The following SLC2A13 variants were observed in gnomAD, a reference collection of about 807,000 sequenced individuals.
SLC2A13 encodes the protein solute carrier family 2 member 13, also known as proton myo-inositol cotransporter.
Under a neutral mutation model 64.4 loss-of-function variants are expected in SLC2A13, and 32 were observed. The ratio of observed to expected loss-of-function variants is 0.50; its 90% CI spans 0.37 to 0.67. SLC2A13 has a LOEUF of 0.67. Ranked by LOEUF, SLC2A13 falls within the 30% of genes least tolerant of loss-of-function variation. The pLI is 0.00. For missense variants in SLC2A13, 743 were observed against 829.2 expected, an observed-to-expected ratio of 0.90 and a Z score of 1.28; for synonymous variants, 338 against 327.1, an observed-to-expected ratio of 1.03 and a Z score of -0.36.
intron 7 of SLC2A13, among the ~76,000 whole-genome samples, chr12:39,823,364 C>T (rs1056560597): frequency 9.9e-5 from 15 of 152,034 alleles, no homozygotes; most frequent in African/African-American, 3.4e-4. Context: ...ACATGAGTAC[C>T]TTAAGATACT....
chr12:39,841,435 C>A (rs1342150164), intron 6 of SLC2A13, among the ~76,000 whole-genome samples: 2 of 152,058 alleles, frequency 1.3e-5, no homozygotes, highest in East Asian at 3.9e-4. Flanking sequence ...TTTGCCAAAT[C>A]TGTCAACTCC....
At chr12:39,781,062 T>C (rs1057412121) in intron 7 of SLC2A13, among the ~76,000 whole-genome samples, 1 of 152,212 alleles carries the variant, frequency 6.6e-6, no homozygotes, top group Admixed American at 6.5e-5. Context: ...ACATAATAGC[T>C]TCACAGATTA....
chr12:39,811,152 T>C (rs1244631678), intron 7 of SLC2A13, among the ~76,000 whole-genome samples: 1 of 152,112 alleles, frequency 6.6e-6, no homozygotes, highest in Admixed American at 6.6e-5. Context: ...CTCCATTTAT[T>C]AGAAGTGCTC....
Position 39,756,088 on chromosome 12 carries a change from AT to A in SLC2A13, c.*3937del, listed in dbSNP as rs1566748320. On this transcript the variant is annotated 3_prime_UTR_variant, in exon 10 of 10. Coordinates refer to ENST00000280871, the MANE Select transcript of SLC2A13 (RefSeq NM_052885.4). ...TTTATAGACTGCTACAACCTGAACCATTTCATCAAATTGGCTTTACATTATT... is the reference window on the plus strand; with the variant it reads ...TTTATAGACTGCTACAACCTGAACCATTCATCAAATTGGCTTTACATTATT... 1 of 151,988 alleles carries A rather than the reference AT, an allele frequency of 6.6e-6. No homozygotes were observed. Among genetic ancestry groups the A allele is most frequent in the Non-Finnish European group, 1.5e-5 (1 of 67,802 alleles). The allele number at this position is 151,988 out of a possible 1,614,324, so 9.4% of individuals were successfully genotyped here. A position where few individuals can be genotyped will look rare whatever the true frequency, so the allele number is the denominator to read the frequency against.
chr12:40,094,860 G>C (rs1414613545), intron 1 of SLC2A13, among the ~76,000 whole-genome samples: 1 of 152,214 alleles, frequency 6.6e-6, no homozygotes, highest in Non-Finnish European at 1.5e-5. Context: ...GAAAGAGCTG[G>C]AATGACAGCT....
chr12:39,953,127 T>C (rs1946260554), intron 3 of SLC2A13, among the ~76,000 whole-genome samples: 1 of 152,204 alleles, frequency 6.6e-6, no homozygotes, highest in South Asian at 2.1e-4. Context: ...AACTGTATCA[T>C]GATTTGATGG....
At chr12:39,904,436 C>T (rs545410965) in intron 4 of SLC2A13, among the ~76,000 whole-genome samples, 4 of 152,098 alleles carry the variant, frequency 2.6e-5, no homozygotes, top group Non-Finnish European at 4.4e-5. Flanking sequence ...GTGAGCAGGT[C>T]TTTCTAAGGA....
chr12:39,796,891 C>A (rs1164902096), intron 7 of SLC2A13, among the ~76,000 whole-genome samples: 1 of 152,120 alleles, frequency 6.6e-6, no homozygotes, highest in African/African-American at 2.4e-5. Flanking sequence ...TTCCTTATAA[C>A]ACATTTCTAG....
At chr12:39,885,821 T>C (rs972425122) in intron 4 of SLC2A13, among the ~76,000 whole-genome samples, 2 of 152,200 alleles carry the variant, frequency 1.3e-5, no homozygotes, top group Admixed American at 1.3e-4. Context: ...CCCAGTTGTC[T>C]TTCCTCTTTG....
intron 1 of SLC2A13, among the ~76,000 whole-genome samples, chr12:40,070,055 G>C (rs1338009866): frequency 6.6e-6 from 1 of 151,778 alleles, no homozygotes; most frequent in Non-Finnish European, 1.5e-5. Context: ...CCCTCAGAAA[G>C]GCATAAACGG....
intron 4 of SLC2A13, among the ~76,000 whole-genome samples, chr12:39,894,797 A>C (rs138734819): frequency 1.3e-5 from 2 of 152,296 alleles, no homozygotes; most frequent in East Asian, 3.9e-4. Flanking sequence ...ATTAGGGAAT[A>C]AAGCAGGGAG....
chr12:40,036,864 T>A (rs1268820841), intron 2 of SLC2A13, among the ~76,000 whole-genome samples: 3 of 152,204 alleles, frequency 2.0e-5, no homozygotes, highest in Non-Finnish European at 2.9e-5. Flanking sequence ...AAAGCATCAT[T>A]TTTTCACCAC....
chr12:39,819,375 T>G (rs1262583363), intron 7 of SLC2A13, among the ~76,000 whole-genome samples: 2 of 152,136 alleles, frequency 1.3e-5, no homozygotes, highest in African/African-American at 4.8e-5. Flanking sequence ...TATATTAAGG[T>G]GGCAATACAT....
chr12:39,999,293 C>T (rs956504868), intron 3 of SLC2A13, among the ~76,000 whole-genome samples: 2 of 152,248 alleles, frequency 1.3e-5, no homozygotes, highest in East Asian at 3.9e-4. Context: ...GGTCTGACTG[C>T]CCGCGGGGTC....
At chr12:40,014,301 T>C (rs1336852464) in intron 3 of SLC2A13, among the ~76,000 whole-genome samples, 1 of 151,210 alleles carries the variant, frequency 6.6e-6, no homozygotes, top group African/African-American at 2.4e-5. Flanking sequence ...TGGAGATCTC[T>C]AGCTTCCACT....
At chr12:39,920,581 T>A (rs1235360187) in intron 4 of SLC2A13, among the ~76,000 whole-genome samples, 1 of 152,018 alleles carries the variant, frequency 6.6e-6, no homozygotes, top group African/African-American at 2.4e-5. Flanking sequence ...CAGTGAACAT[T>A]TATAGAGACT....
At chr12:39,791,120 G>A (rs1175278792) in intron 7 of SLC2A13, among the ~76,000 whole-genome samples, 4 of 151,050 alleles carry the variant, frequency 2.6e-5, no homozygotes, top group Non-Finnish European at 5.9e-5. Flanking sequence ...CTGGATATTA[G>A]CCCTTTGTCA....
intron 3 of SLC2A13, among the ~76,000 whole-genome samples, chr12:40,009,455 G>T (rs902925714): frequency 7.9e-5 from 12 of 151,984 alleles, no homozygotes; most frequent in Admixed American, 7.2e-4. Context: ...TTGAGACTGG[G>T]TCTTATTCTG....
intron 1 of SLC2A13, among the ~76,000 whole-genome samples, chr12:40,087,396 T>C (rs1254112925): frequency 1.3e-5 from 2 of 152,206 alleles, no homozygotes; most frequent in African/African-American, 4.8e-5. Context: ...ATGGTCATAT[T>C]AGTTGTAATA....
Sources: allele counts gnomAD v4.1 joint callset (sites outside exome capture counted in the v4.1 genomes callset), GRCh38; gene constraint gnomAD v4.1.1; transcripts MANE v1.5; gene names NCBI Gene and HGNC (gene_info 2026-07-23, HGNC 2026-07-21).